AGL: variants seen among roughly 807,000 people sequenced by gnomAD.
AGL encodes the protein glycogen debranching enzyme.
In AGL, 128 loss-of-function variants were observed where a neutral mutation model predicts 199.3. The observed-to-expected ratio is 0.64, with a 90% CI of 0.56 to 0.74. The LOEUF (loss-of-function observed/expected upper bound fraction) is 0.74. Ranked by LOEUF, AGL falls within the 30% of genes least tolerant of loss-of-function variation. The pLI, the probability that AGL is intolerant of heterozygous loss-of-function variation, is 0.00. For missense variants in AGL, 1,809 were observed against 1,820.8 expected, an observed-to-expected ratio of 0.99 and a Z score of 0.12; for synonymous variants, 584 against 594.7, an observed-to-expected ratio of 0.98 and a Z score of 0.26.
In AGL at chr1:99,912,453, C is replaced by G; in HGVS notation, c.3885C>G (p.Arg1295=). 1 of 1,613,986 alleles carries G rather than the reference C, an allele frequency of 6.2e-7. No homozygotes were observed. The highest frequency in any genetic ancestry group is 8.5e-7 in the Non-Finnish European group (1 of 1,179,970). The part of the protein sequence containing the change: ...EIVGLSKSAV[R]WLLELSKKNI... ...TGGGCCTGAGTAAATCTGCTGTTCG[C>G]TGGTTGCTGGAATTATCCAAAAAAA... Residue 1295 remains arginine, a synonymous_variant, in exon 29 of 34, where the codon CGC becomes CGG. Transcript: ENST00000361915.
intron 5 of AGL, among the ~76,000 whole-genome samples, chr1:99,867,047 G>C (rs1447835370): frequency 6.6e-6 from 1 of 152,062 alleles, no homozygotes. Context: ...TTGAACTCCC[G>C]ACCTCAAGTG....
chr1:99,894,491 G>A (rs1456032049), intron 24 of AGL, among the ~76,000 whole-genome samples: 1 of 152,132 alleles, frequency 6.6e-6, no homozygotes, highest in Admixed American at 6.6e-5. Context: ...GTTAGCTGCT[G>A]TCATCACTAT....
At chr1:99,912,713 A>G (rs1377542949) in intron 29 of AGL, among the ~76,000 whole-genome samples, 196 bp downstream of exon 29, 1 of 152,250 alleles carries the variant, frequency 6.6e-6, no homozygotes, top group Non-Finnish European at 1.5e-5. Flanking sequence ...TTGAACTGAG[A>G]TAAGAAAGCA....
chr1:99,874,490 T>C, intron 7 of AGL, 197 bp from the exon 8 acceptor site: 1 of 567,888 alleles, frequency 1.8e-6, no homozygotes, highest in Non-Finnish European at 3.1e-6. Context: ...ACCCCTCGTG[T>C]GTGTTTGCGC....
intron 7 of AGL, among the ~76,000 whole-genome samples, chr1:99,873,134 A>C (rs981602359): frequency 3.3e-5 from 5 of 151,876 alleles, no homozygotes; most frequent in African/African-American, 1.2e-4. Context: ...CTTTTCTTCT[A>C]ATTTGTATTT....
Position 99,864,383 on chromosome 1 carries a change from C to T in AGL, c.461-3C>T, listed in dbSNP as rs1650326684. On this transcript the variant is annotated splice_region_variant and splice_polypyrimidine_tract_variant and intron_variant, in intron 4 of 33. Coordinates refer to ENST00000361915, the MANE Select transcript of AGL (RefSeq NM_000642.3). ...AGTGGTCTTTCCTTTATTTGCTTTG[C>T]AGGCTACAACATGATTCATTTTACC... 1 of 1,611,786 alleles carries T rather than the reference C, an allele frequency of 6.2e-7. No individual in the cohort carries two copies. The highest frequency in any genetic ancestry group is 1.1e-5 in the South Asian group (1 of 91,028).
intron 24 of AGL, among the ~76,000 whole-genome samples, chr1:99,894,255 A>G (rs1200522535): frequency 2.5e-4 from 38 of 152,152 alleles, no homozygotes; most frequent in African/African-American, 1.2e-4. Flanking sequence ...AAGATATGGA[A>G]TCTATTAGTT....
At chr1:99,915,621 A>T in intron 31 of AGL, 135 bp downstream of exon 31, 2 of 719,894 alleles carry the variant, frequency 2.8e-6, no homozygotes, top group Non-Finnish European at 4.7e-6. Flanking sequence ...TAAAAAAAAA[A>T]TTAGTTGGGA....
chr1:99,877,085 C>T (rs996048556), intron 11 of AGL, among the ~76,000 whole-genome samples: 1 of 152,162 alleles, frequency 6.6e-6, no homozygotes, highest in African/African-American at 2.4e-5. Flanking sequence ...AAGAATGTTG[C>T]AGGAGCCCAT....
chr1:99,857,686 CCTGCAATCGCAGGCACT>C (rs1445630582), intron 2 of AGL, among the ~76,000 whole-genome samples: 5 of 151,016 alleles, frequency 3.3e-5, no homozygotes, highest in African/African-American at 9.7e-5. Context: ...GCGGCGCGCG[CCTGCAATCGCAGGCACT>C]CGGCAGGCTG....
chr1:99,875,130 T>G (rs775253771), intron 8 of AGL, 24 bp from the exon 9 acceptor site: 1 of 1,586,032 alleles, frequency 6.3e-7, no homozygotes, highest in East Asian at 2.2e-5. Flanking sequence ...AAATATTATA[T>G]CTGCATTTCT....
At chr1:99,878,174 T>G (rs1651707621) in intron 12 of AGL, among the ~76,000 whole-genome samples, 1 of 152,062 alleles carries the variant, frequency 6.6e-6, no homozygotes, top group South Asian at 2.1e-4. Flanking sequence ...ATTTTAGAAG[T>G]GACTGTGAAG....
At chr1:99,906,218 C>T (rs776330774) in intron 27 of AGL, among the ~76,000 whole-genome samples, 21 of 152,074 alleles carry the variant, frequency 1.4e-4, no homozygotes, top group African/African-American at 2.9e-4. Flanking sequence ...CTCATATAAG[C>T]GGAATCATAC....
intron 2 of AGL, among the ~76,000 whole-genome samples, chr1:99,852,027 G>C (rs765047788): frequency 7.2e-5 from 11 of 151,946 alleles, no homozygotes; most frequent in Admixed American, 5.2e-4. Flanking sequence ...TTCTGGTTTT[G>C]ATTTTTTTTT....
At chr1:99,877,208 C>T (rs1489055310) in intron 11 of AGL, among the ~76,000 whole-genome samples, 1 of 152,086 alleles carries the variant, frequency 6.6e-6, no homozygotes, top group Non-Finnish European at 1.5e-5. Context: ...GTGTAAGTAT[C>T]TCTGCCCTCT....
In AGL at chr1:99,856,423, C is replaced by T. The variant is rs113324042; in HGVS notation, c.83-5080C>T. On this transcript the variant is annotated intron_variant, in intron 2 of 33. Transcript: ENST00000361915. ...CCTTCTTTCCTTCCTTCTTCCCTTT[C>T]TTTTCTTTTCTTGTATTTATTTATT... 4.5e-5 allele frequency among the ~76,000 whole-genome samples: 6 copies of T among 133,018 alleles called. No individual in the cohort carries two copies. In the South Asian group the frequency reaches 1.4e-3, roughly 31 times the overall value. 87.3% of individuals were successfully genotyped at this position (133,018 alleles called of 152,430 possible). A position where few individuals can be genotyped will look rare whatever the true frequency, so the allele number is the denominator to read the frequency against.
At chr1:99,865,170 T>C (rs2101096103) in intron 5 of AGL, among the ~76,000 whole-genome samples, 1 of 152,116 alleles carries the variant, frequency 6.6e-6, no homozygotes, top group Non-Finnish European at 1.5e-5. Flanking sequence ...TATCAAAATA[T>C]ATATATATAT....
In AGL at chr1:99,870,544, G is replaced by A. The variant is rs1466350775; in HGVS notation, c.809G>A (p.Gly270Glu). The A allele has an allele frequency of 2.4e-5, 39 of 1,613,894 alleles. No individual in the cohort carries two copies. The highest frequency in any genetic ancestry group is 3.3e-5 in the Non-Finnish European group (39 of 1,179,974). The change falls in exon 6 of 34, where the codon GGA becomes GAA. Residue 270 changes from glycine (G) to glutamate (E), a missense_variant. Gly to Glu is a moderately conservative substitution (Grantham distance 98). Coordinates refer to ENST00000361915, the MANE Select transcript of AGL (RefSeq NM_000642.3). Reference sequence around the variant, plus strand: ...GCAGAAGGGAAATACAAAGAAAAGGGAATACCTGCTTTGATTGAAAATGAT... The same window carrying A: ...GCAGAAGGGAAATACAAAGAAAAGGAAATACCTGCTTTGATTGAAAATGAT... ...DVAEGKYKEK[G>E]IPALIENDHH...
rs1655509642 is a variant in AGL, at chr1:99,921,530, T to C, written c.4482-4T>C. On this transcript the variant is annotated splice_region_variant and splice_polypyrimidine_tract_variant and intron_variant, in intron 33 of 33. Coordinates refer to ENST00000361915, the MANE Select transcript of AGL (RefSeq NM_000642.3). Reference sequence around the variant, plus strand: ...CTTTGTAAAATGTCTTTTCTTTCATTCAGATCCCCTTGGAAAGGACTTCCA... The same window carrying C: ...CTTTGTAAAATGTCTTTTCTTTCATCCAGATCCCCTTGGAAAGGACTTCCA... 1 of 1,593,648 alleles carries C rather than the reference T, an allele frequency of 6.3e-7. No individual in the cohort carries two copies. Among genetic ancestry groups the C allele is most frequent in the Non-Finnish European group, 8.6e-7 (1 of 1,161,946 alleles).
Sources: gnomAD v4.1 joint callset for allele counts (sites outside exome capture counted in the v4.1 genomes callset) on GRCh38, gnomAD v4.1.1 for gene constraint, MANE v1.5 for transcripts, NCBI Gene and HGNC (gene_info 2026-07-23, HGNC 2026-07-21) for gene names.